ATG12: variants seen among roughly 807,000 people sequenced by gnomAD.
ATG12 encodes autophagy related 12, also known as ubiquitin-like protein ATG12.
Under a neutral mutation model 17.6 loss-of-function variants are expected in ATG12, and 19 were observed. The ratio of observed to expected loss-of-function variants is 1.08; its 90% confidence interval spans 0.75 to 1.58. The LOEUF is 1.58. ATG12 is among the 40% of genes most tolerant of loss of function. The pLI is 0.00. For synonymous variants in ATG12, 75 were observed against 62.4 expected, an observed-to-expected ratio of 1.20 and a Z score of -0.95; for missense variants, 214 against 162.0, an observed-to-expected ratio of 1.32 and a Z score of -1.74.
chr5:115,841,165 T>C (rs925382356), intron 1 of ATG12: 2 of 492,048 alleles, frequency 4.1e-6, no homozygotes, highest in African/African-American at 4.3e-5. Context: ...AAAATAAGTG[T>C]GGCAGCCAAG....
chr5:115,841,496 C>A lies in ATG12; in HGVS notation c.57G>T (p.Gly19=), dbSNP rs763363286. The A allele has an allele frequency of 6.2e-7, 1 of 1,612,038 alleles. No homozygotes were observed. Among genetic ancestry groups the A allele is most frequent in the Non-Finnish European group, 8.5e-7 (1 of 1,179,446 alleles). The part of the protein sequence containing the change: ...LQLPTSIAAG[G]EGLTDVSPET... ...CTGGGGAGACATCCGTAAGTCCTTCCCCTCCAGCAGCAATTGAAGTAGGAA... is the reference window on the plus strand; with the variant it reads ...CTGGGGAGACATCCGTAAGTCCTTCACCTCCAGCAGCAATTGAAGTAGGAA... The change falls in exon 1 of 4, where the codon GGG becomes GGT. Residue 19 remains glycine, a synonymous_variant. Coordinates refer to ENST00000509910, the MANE Select transcript of ATG12 (RefSeq NM_004707.4).
At chr5:115,832,961 GA>G (rs1323029771) in intron 2 of ATG12, 1 of 237,638 alleles carries the variant, frequency 4.2e-6, no homozygotes, top group East Asian at 8.5e-5. Flanking sequence ...GGCTATTCAA[GA>G]AATTACATTA....
chr5:115,838,684 G>T (rs1003710656), intron 1 of ATG12: 24 of 152,194 alleles, frequency 1.6e-4, no homozygotes, highest in Non-Finnish European at 3.4e-4. Context: ...AAGCCAAAAA[G>T]AAGTTGCAGA....
chr5:115,831,630 A>T lies in ATG12; in HGVS notation c.*174T>A. On this transcript the variant is annotated 3_prime_UTR_variant, in exon 4 of 4. Coordinates refer to ENST00000509910, the MANE Select transcript of ATG12 (RefSeq NM_004707.4). Reference sequence around the variant, plus strand: ...TGACTGGTGCATTAATACAAATCACATTTTTCTGAGTCCATTCATGCTATG... The same window carrying T: ...TGACTGGTGCATTAATACAAATCACTTTTTTCTGAGTCCATTCATGCTATG... 1 of 665,358 alleles carries T rather than the reference A, an allele frequency of 1.5e-6. No individual in the cohort carries two copies. Among genetic ancestry groups the T allele is most frequent in the Non-Finnish European group, 2.6e-6 (1 of 378,702 alleles). The allele number at this position is 665,358 out of a possible 1,614,324, so 41.2% of individuals were successfully genotyped here. A position where few individuals can be genotyped will look rare whatever the true frequency, so the allele number is the denominator to read the frequency against.
intron 1 of ATG12, chr5:115,839,323 C>CATGCACTCT: frequency 1.5e-5 from 1 of 67,518 alleles, no homozygotes; most frequent in African/African-American, 3.6e-5. Flanking sequence ...AACACATGAT[C>CATGCACTCT]TTTATCTTCC....
chr5:115,832,743 G>T, intron 2 of ATG12, 79 bp from the exon 3 acceptor site: 4 of 1,323,762 alleles, frequency 3.0e-6, no homozygotes, highest in South Asian at 1.7e-5. Flanking sequence ...CAATCAGCTA[G>T]CTATTTTGTA....
At chr5:115,837,489 A>G (rs1332537102) in intron 2 of ATG12, 139 bp downstream of exon 2, 3 of 918,274 alleles carry the variant, frequency 3.3e-6, no homozygotes, top group Non-Finnish European at 4.9e-6. Flanking sequence ...AAATGAATAA[A>G]TAAAAATAAA....
chr5:115,840,296 C>CTT (rs544937852), intron 1 of ATG12, among the ~76,000 whole-genome samples: 27 of 135,056 alleles, frequency 2.0e-4, no homozygotes, highest in East Asian at 6.4e-4. Context: ...AGACCAATGT[C>CTT]TTTTTTTTTT....
intron 2 of ATG12, 101 bp downstream of exon 2, chr5:115,837,527 A>C: frequency 8.0e-7 from 1 of 1,245,114 alleles, no homozygotes; most frequent in South Asian, 1.3e-5. Context: ...CAAAAGCGAC[A>C]TATGTGGCTC....
chr5:115,838,019 A>T (rs531232966), intron 1 of ATG12: 2 of 333,288 alleles, frequency 6.0e-6, no homozygotes, highest in African/African-American at 4.3e-5. Flanking sequence ...GAGGAAATAC[A>T]AATGATCAAT....
At chr5:115,834,936 A>G (rs1761028735) in intron 2 of ATG12, 1 of 152,196 alleles carries the variant, frequency 6.6e-6, no homozygotes, top group Non-Finnish European at 1.5e-5. Flanking sequence ...ACATTTTTAC[A>G]GTATTTTTTC....
At chr5:115,840,902 G>T in intron 1 of ATG12, 1 of 1,288,316 alleles carries the variant, frequency 7.8e-7, no homozygotes, top group Non-Finnish European at 1.0e-6. Flanking sequence ...ATAAGAATTT[G>T]GTTTTTGGTT....
intron 2 of ATG12, 96 bp from the exon 3 acceptor site, chr5:115,832,760 T>C: frequency 8.2e-7 from 1 of 1,216,850 alleles, no homozygotes. Flanking sequence ...TGTATTGTTT[T>C]CACAATTGAA....
At chr5:115,840,369 CCCA>C (rs1761330028) in intron 1 of ATG12, 1 of 185,300 alleles carries the variant, frequency 5.4e-6, no homozygotes, top group African/African-American at 2.4e-5. Flanking sequence ...GAGACCTCCG[CCCA>C]CTGCCACCTC....
At chr5:115,836,673 TA>T (rs1214021965) in intron 2 of ATG12, among the ~76,000 whole-genome samples, 1 of 152,192 alleles carries the variant, frequency 6.6e-6, no homozygotes, top group Non-Finnish European at 1.5e-5. Context: ...TGATTTTATT[TA>T]AAAAATACTT....
rs1760751774 is a variant in ATG12, at chr5:115,828,970, GA to G, written c.*2833del. 6.6e-6 allele frequency: 1 copy of G among 152,170 alleles called. No individual in the cohort carries two copies. Among genetic ancestry groups the G allele is most frequent in the South Asian group, 2.1e-4 (1 of 4,836 alleles). 9.4% of individuals were successfully genotyped at this position (152,170 alleles called of 1,614,324 possible). A position where few individuals can be genotyped will look rare whatever the true frequency, so the allele number is the denominator to read the frequency against. On this transcript the variant is annotated 3_prime_UTR_variant, in exon 4 of 4. Coordinates refer to ENST00000509910, the MANE Select transcript of ATG12 (RefSeq NM_004707.4). The stretch of plus-strand genomic sequence containing the variant: ...AGGCCTTGAAGAAGAGTTAGGATTT[GA>G]AAGGGTGAAGGTGTAAGTAAACTGC...
intron 2 of ATG12, chr5:115,833,247 T>C (rs1227176443): frequency 3.3e-5 from 5 of 152,280 alleles, no homozygotes; most frequent in Admixed American, 3.3e-4. Flanking sequence ...TTTCTAGTAC[T>C]TAAAGTCACA....
In ATG12 at chr5:115,830,061, G is replaced by T. The variant is rs979514765; in HGVS notation, c.*1743C>A. On this transcript the variant is annotated 3_prime_UTR_variant, in exon 4 of 4. Transcript: ENST00000509910. Reference sequence around the variant, plus strand: ...GAACCCGGGAGGTAGAGGTTGCAATGAGCCAAGATTGTGCCATTACAGTCC... The same window carrying T: ...GAACCCGGGAGGTAGAGGTTGCAATTAGCCAAGATTGTGCCATTACAGTCC... 1 of 145,994 alleles carries T rather than the reference G, an allele frequency of 6.8e-6. No individual in the cohort carries two copies. Among genetic ancestry groups the T allele is most frequent in the African/African-American group, 2.5e-5 (1 of 39,224 alleles). 9.0% of individuals were successfully genotyped at this position (145,994 alleles called of 1,614,324 possible). A position where few individuals can be genotyped will look rare whatever the true frequency, so the allele number is the denominator to read the frequency against.
At chr5:115,840,763 A>T (rs919668738) in intron 1 of ATG12, 38 of 1,177,974 alleles carry the variant, frequency 3.2e-5, no homozygotes, top group Non-Finnish European at 3.8e-5. Context: ...AAAGGGAAAC[A>T]TTCTCAAGCA....
Sources: allele counts gnomAD v4.1 joint callset (sites outside exome capture counted in the v4.1 genomes callset), GRCh38; gene constraint gnomAD v4.1.1; transcripts MANE v1.5; gene names NCBI Gene and HGNC (gene_info 2026-07-23, HGNC 2026-07-21).